Variants in PRTG observed in about 807,000 individuals in gnomAD.
PRTG encodes the protein immunoglobulin superfamily, DCC subclass, member 5.
A neutral mutation model predicts 122.5 loss-of-function variants in PRTG; 67 were observed. That is an observed-to-expected ratio of 0.55 (90% CI 0.45 to 0.67). The LOEUF (loss-of-function observed/expected upper bound fraction) is 0.67. Among genes scored for constraint, PRTG ranks in the 30% least tolerant of loss-of-function variants. The probability of loss-of-function intolerance (pLI) is 0.00; values close to 1 mark genes in which losing one functional copy is unlikely to be tolerated. For missense variants in PRTG, 1,435 were observed against 1,415.4 expected, an observed-to-expected ratio of 1.01 and a Z score of -0.22; for synonymous variants, 554 against 501.1, an observed-to-expected ratio of 1.11 and a Z score of -1.41.
At chr15:55,656,263 T>G (rs1174865900) in intron 11 of PRTG, 5 of 445,544 alleles carry the variant, frequency 1.1e-5, no homozygotes, top group Non-Finnish European at 2.2e-5. Flanking sequence ...GCTCTTTTCC[T>G]GTCTTCTCCA....
chr15:55,680,469 T>C (rs777948925), intron 5 of PRTG, 22 bp downstream of exon 5: 4 of 1,552,290 alleles, frequency 2.6e-6, no homozygotes, highest in Non-Finnish European at 3.5e-6. Context: ...AGACTTTTTT[T>C]TTTTTTCCTG....
intron 2 of PRTG, among the ~76,000 whole-genome samples, chr15:55,690,283 T>TA (rs1240185342): frequency 1.3e-5 from 2 of 152,240 alleles, no homozygotes; most frequent in African/African-American, 4.8e-5. Flanking sequence ...CTAAATTTAT[T>TA]AATTCATTCA....
chr15:55,621,764 T>C (rs1190937567), intron 18 of PRTG, among the ~76,000 whole-genome samples: 1 of 152,216 alleles, frequency 6.6e-6, no homozygotes, highest in African/African-American at 2.4e-5. Flanking sequence ...ACATAAAATA[T>C]ATATTCCAAA....
intron 2 of PRTG, among the ~76,000 whole-genome samples, chr15:55,688,387 G>T (rs969579322): frequency 3.5e-5 from 5 of 143,786 alleles, no homozygotes; most frequent in African/African-American, 1.2e-4. Flanking sequence ...TCTCTCCATG[G>T]TCTTTTTTGG....
intron 11 of PRTG, among the ~76,000 whole-genome samples, chr15:55,644,787 C>T (rs1234359459): frequency 6.6e-6 from 1 of 151,964 alleles, no homozygotes; most frequent in African/African-American, 2.4e-5. Flanking sequence ...CACACACACT[C>T]CCAGAATAAA....
At chr15:55,673,270 T>C in intron 10 of PRTG, 101 bp downstream of exon 10, 2 of 911,156 alleles carry the variant, frequency 2.2e-6, no homozygotes, top group Admixed American at 3.0e-5. Context: ...AATATTTTTA[T>C]TTGTAAAACA....
chr15:55,657,753 T>C (rs901992092), intron 11 of PRTG, among the ~76,000 whole-genome samples: 4 of 152,188 alleles, frequency 2.6e-5, no homozygotes, highest in African/African-American at 9.6e-5. Context: ...CCATATGGCA[T>C]GCAATAAAGA....
At chr15:55,722,217 A>C (rs1567114897) in intron 2 of PRTG, among the ~76,000 whole-genome samples, 1 of 152,240 alleles carries the variant, frequency 6.6e-6, no homozygotes, top group African/African-American at 2.4e-5. Context: ...CAAAATTAAA[A>C]GTTGGAAGAA....
At chr15:55,648,922 C>T (rs1259407065) in intron 11 of PRTG, among the ~76,000 whole-genome samples, 3 of 151,696 alleles carry the variant, frequency 2.0e-5, no homozygotes, top group Admixed American at 6.6e-5. Flanking sequence ...TATGGTGAAA[C>T]CCCGTCTCTA....
chr15:55,666,338 T>C (rs996778555), intron 11 of PRTG, among the ~76,000 whole-genome samples: 112 of 152,330 alleles, frequency 7.4e-4, no homozygotes, highest in African/African-American at 2.5e-3. Flanking sequence ...GCATCTATCT[T>C]TTCATAGGCT....
intron 2 of PRTG, among the ~76,000 whole-genome samples, chr15:55,734,582 C>G (rs1158136825): frequency 6.6e-6 from 1 of 151,106 alleles, no homozygotes; most frequent in African/African-American, 2.4e-5. Flanking sequence ...AATGCTAAAG[C>G]TATTTTATAT....
At chr15:55,711,944 T>C (rs1175422968) in intron 2 of PRTG, among the ~76,000 whole-genome samples, 1 of 152,174 alleles carries the variant, frequency 6.6e-6, no homozygotes, top group Non-Finnish European at 1.5e-5. Context: ...AAAAAAGTTA[T>C]ACAAGTAGAT....
At position 55,615,791 on chromosome 15, in the gene PRTG, A is replaced by G. The variant is rs1201359002; in HGVS notation, c.*4221T>C. On this transcript the variant is annotated 3_prime_UTR_variant, in exon 20 of 20. Transcript: ENST00000389286. ...CAGAAATGTATATAAGTGAACCACTATAGCTACTGCTGAAGTGAAACCACA... is the reference window on the plus strand; with the variant it reads ...CAGAAATGTATATAAGTGAACCACTGTAGCTACTGCTGAAGTGAAACCACA... 2 of 152,164 alleles carry G rather than the reference A, an allele frequency of 1.3e-5. No individual in the cohort carries two copies. Among genetic ancestry groups the G allele is most frequent in the Non-Finnish European group, 2.9e-5 (2 of 67,980 alleles). The allele number at this position is 152,164 out of a possible 1,614,324, so 9.4% of individuals were successfully genotyped here.
intron 2 of PRTG, among the ~76,000 whole-genome samples, chr15:55,687,337 A>G (rs1265850172): frequency 6.6e-6 from 1 of 152,166 alleles, no homozygotes; most frequent in Non-Finnish European, 1.5e-5. Flanking sequence ...AAGGATTTTT[A>G]TAAAGATTAA....
intron 2 of PRTG, 53 bp from the exon 3 acceptor site, chr15:55,683,984 G>C (rs2059556423): frequency 6.8e-7 from 1 of 1,479,666 alleles, no homozygotes; most frequent in Admixed American, 1.7e-5. Flanking sequence ...ATAACACTTA[G>C]AAGTAACATT....
At chr15:55,666,288 T>G (rs1004694536) in intron 11 of PRTG, among the ~76,000 whole-genome samples, 24 of 152,250 alleles carry the variant, frequency 1.6e-4, no homozygotes, top group Admixed American at 4.6e-4. Context: ...TCAGCCTTAC[T>G]GGATTAGAAC....
chr15:55,656,439 A>G (rs994240462), intron 11 of PRTG: 1 of 429,836 alleles, frequency 2.3e-6, no homozygotes, highest in Non-Finnish European at 4.6e-6. Context: ...AAAAATCTAT[A>G]ATCTATAATC....
intron 2 of PRTG, among the ~76,000 whole-genome samples, chr15:55,712,597 T>C (rs2030431126): frequency 6.6e-6 from 1 of 152,242 alleles, no homozygotes; most frequent in Non-Finnish European, 1.5e-5. Flanking sequence ...AACCATGTGG[T>C]AATCTGATTG....
chr15:55,694,939 A>T (rs892679655), intron 2 of PRTG, among the ~76,000 whole-genome samples: 9 of 152,158 alleles, frequency 5.9e-5, no homozygotes, highest in African/African-American at 2.2e-4. Context: ...GCCCCACAAG[A>T]AGTCATTAAA....
Sources: gnomAD v4.1 joint callset for allele counts (sites outside exome capture counted in the v4.1 genomes callset) on GRCh38, gnomAD v4.1.1 for gene constraint, MANE v1.5 for transcripts, NCBI Gene and HGNC (gene_info 2026-07-23, HGNC 2026-07-21) for gene names.